CDK14: variants seen among roughly 807,000 people sequenced by gnomAD.
CDK14 encodes the protein cyclin-dependent kinase 14.
A neutral mutation model predicts 60.7 loss-of-function variants in CDK14; 34 were observed. That is an observed-to-expected ratio of 0.56 (90% CI 0.43 to 0.75). The LOEUF (loss-of-function observed/expected upper bound fraction) is 0.75. Ranked by LOEUF, CDK14 falls within the 30% of genes least tolerant of loss-of-function variation. CDK14 has a pLI of 0.00. For synonymous variants in CDK14, 197 were observed against 203.7 expected (o/e 0.97, Z 0.28); for missense variants, 482 against 564.1 (o/e 0.85, Z 1.47).
intron 2 of CDK14, among the ~76,000 whole-genome samples, chr7:90,659,873 CTCTGTG>C (rs775394612): frequency 5.7e-4 from 80 of 140,768 alleles, no homozygotes; most frequent in African/African-American, 1.7e-3. Flanking sequence ...CTCTCTCTCT[CTCTGTG>C]TGTGTGTGTG....
intron 2 of CDK14, among the ~76,000 whole-genome samples, chr7:90,623,714 C>G (rs1271473678): frequency 6.6e-6 from 1 of 152,108 alleles, no homozygotes; most frequent in African/African-American, 2.4e-5. Flanking sequence ...TGAGCCATCC[C>G]TCAGAGGTTT....
intron 6 of CDK14, among the ~76,000 whole-genome samples, chr7:90,868,316 C>CACAT (rs1282756756): frequency 1.3e-5 from 2 of 148,792 alleles, no homozygotes; most frequent in African/African-American, 4.9e-5. Context: ...CACACACACA[C>CACAT]ATACACATAC....
intron 12 of CDK14, among the ~76,000 whole-genome samples, chr7:91,102,141 G>T (rs144843026): frequency 1.3e-3 from 205 of 152,300 alleles, no homozygotes; most frequent in African/African-American, 4.6e-3. Context: ...CCTTGCCACA[G>T]AGATGTGCAC....
chr7:90,896,300 A>AT (rs1450445104), intron 6 of CDK14, among the ~76,000 whole-genome samples: 3 of 151,898 alleles, frequency 2.0e-5, no homozygotes, highest in Non-Finnish European at 4.4e-5. Flanking sequence ...AGGAAAATAG[A>AT]TTTTTCTATT....
intron 5 of CDK14, among the ~76,000 whole-genome samples, chr7:90,829,097 G>C (rs949264622): frequency 6.6e-6 from 1 of 152,102 alleles, no homozygotes; most frequent in African/African-American, 2.4e-5. Context: ...ATCAGCTCTT[G>C]TGAGAATTCA....
intron 11 of CDK14, among the ~76,000 whole-genome samples, chr7:91,066,124 A>G (rs892579823): frequency 6.6e-6 from 1 of 152,180 alleles, no homozygotes; most frequent in Non-Finnish European, 1.5e-5. Context: ...ACGAAAAATA[A>G]TCCTAAATTG....
intron 2 of CDK14, among the ~76,000 whole-genome samples, chr7:90,674,739 C>T (rs1246687737): frequency 6.6e-6 from 1 of 152,118 alleles, no homozygotes; most frequent in Non-Finnish European, 1.5e-5. Flanking sequence ...CTGGAAACCA[C>T]AGTGACACCC....
rs1038540428 is a variant in CDK14, at chr7:91,021,758, A to G, written c.1042-24139A>G. Among the ~76,000 whole-genome samples, 2 of 152,290 alleles carry G rather than the reference A, an allele frequency of 1.3e-5. 1 individual carries two copies. On this transcript the variant is annotated intron_variant, in intron 10 of 14. Transcript: ENST00000380050. ...TCCCTTTGGGGGCCTGAATTCCTCC[A>G]AGTAAATATTTCTTTGTAAGAAACT...
chr7:91,038,363 A>G (rs1796990884), intron 10 of CDK14, among the ~76,000 whole-genome samples: 1 of 152,260 alleles, frequency 6.6e-6, no homozygotes, highest in Non-Finnish European at 1.5e-5. Flanking sequence ...AATATAAAGT[A>G]AACAAAAATT....
At chr7:90,785,274 C>T (rs1301180347) in intron 4 of CDK14, among the ~76,000 whole-genome samples, 1 of 152,164 alleles carries the variant, frequency 6.6e-6, no homozygotes, top group Non-Finnish European at 1.5e-5. Context: ...TCAGAGATGA[C>T]ACAGATAATA....
intron 11 of CDK14, among the ~76,000 whole-genome samples, chr7:91,055,816 G>A (rs977043923): frequency 4.6e-5 from 7 of 152,250 alleles, no homozygotes; most frequent in African/African-American, 1.7e-4. Flanking sequence ...AGACAGGGAC[G>A]ATTTACTTGA....
intron 10 of CDK14, among the ~76,000 whole-genome samples, chr7:91,020,374 C>T (rs1050124259): frequency 6.6e-6 from 1 of 152,212 alleles, no homozygotes; most frequent in Non-Finnish European, 1.5e-5. Flanking sequence ...AATATTTTTA[C>T]CACCTACTCA....
At chr7:90,851,831 A>G (rs1790654858) in intron 5 of CDK14, among the ~76,000 whole-genome samples, 1 of 151,300 alleles carries the variant, frequency 6.6e-6, no homozygotes, top group Non-Finnish European at 1.5e-5. Context: ...ATTTATTATT[A>G]TTATTTTTAG....
intron 2 of CDK14, among the ~76,000 whole-genome samples, chr7:90,634,792 C>G (rs1298026304): frequency 1.3e-5 from 2 of 151,912 alleles, no homozygotes; most frequent in East Asian, 3.9e-4. Flanking sequence ...TCTCCAGCAC[C>G]TGTTGTTTCC....
At chr7:91,074,391 C>T (rs1798235928) in intron 11 of CDK14, among the ~76,000 whole-genome samples, 1 of 152,176 alleles carries the variant, frequency 6.6e-6, no homozygotes, top group Admixed American at 6.5e-5. Context: ...TAGCCTGCCC[C>T]TGAATGACTC....
At chr7:90,719,220 A>G (rs751782707) in intron 2 of CDK14, among the ~76,000 whole-genome samples, 3 of 152,160 alleles carry the variant, frequency 2.0e-5, no homozygotes, top group Non-Finnish European at 4.4e-5. Flanking sequence ...ACCTAGCTAC[A>G]GCCTGACGCA....
intron 8 of CDK14, among the ~76,000 whole-genome samples, chr7:90,954,287 T>G (rs1372879393): frequency 1.3e-5 from 2 of 152,082 alleles, no homozygotes; most frequent in Non-Finnish European, 1.5e-5. Context: ...AAAAAGCCAT[T>G]TCCTTACTAC....
At chr7:91,173,650 C>A (rs1236641390) in intron 14 of CDK14, among the ~76,000 whole-genome samples, 1 of 152,190 alleles carries the variant, frequency 6.6e-6, no homozygotes, top group Non-Finnish European at 1.5e-5. Flanking sequence ...TTGGGAAGCA[C>A]AAGGGGTCAG....
chr7:90,858,219 A>G (rs550104570), intron 5 of CDK14, among the ~76,000 whole-genome samples: 10 of 152,336 alleles, frequency 6.6e-5, no homozygotes, highest in Non-Finnish European at 1.5e-4. Context: ...CTTTCAAGAA[A>G]AAACATTTTC....
Sources: allele counts gnomAD v4.1 joint callset (sites outside exome capture counted in the v4.1 genomes callset), GRCh38; gene constraint gnomAD v4.1.1; transcripts MANE v1.5; gene names NCBI Gene and HGNC (gene_info 2026-07-23, HGNC 2026-07-21).